The following LOC400499 variants were observed in gnomAD, a reference collection of about 807,000 sequenced individuals.
At chr16:11,414,922 AC>A in the LOC400499 span, among the ~76,000 whole-genome samples, 1 of 151,668 alleles carries the variant, frequency 6.6e-6, no homozygotes, top group South Asian at 2.1e-4. Flanking sequence ...TGCTCCCCAA[AC>A]TCTCACCCCA....
At chr16:11,502,586 T>G in the LOC400499 span, among the ~76,000 whole-genome samples, 1 of 151,888 alleles carries the variant, frequency 6.6e-6, no homozygotes, top group Non-Finnish European at 1.5e-5. Context: ...TTTAGCGAGG[T>G]GGCAATCTTT....
the LOC400499 span, chr16:11,387,099 G>C: frequency 8.1e-7 from 1 of 1,232,484 alleles, no homozygotes; most frequent in Non-Finnish European, 1.0e-6. Context: ...CACAGCCCGG[G>C]GCAGGACTCA....
At chr16:11,441,328 G>T in the LOC400499 span, among the ~76,000 whole-genome samples, 1 of 152,232 alleles carries the variant, frequency 6.6e-6, no homozygotes, top group African/African-American at 2.4e-5. Flanking sequence ...CTTGCTCAAA[G>T]AAAGTGCCTT....
the LOC400499 span, chr16:11,516,456 T>C: frequency 8.1e-5 from 32 of 397,456 alleles, no homozygotes; most frequent in African/African-American, 6.4e-4. Context: ...CTAGATAGCC[T>C]TTGTTCCCTC....
the LOC400499 span, chr16:11,514,293 G>T: frequency 2.5e-6 from 1 of 398,954 alleles, no homozygotes; most frequent in Non-Finnish European, 4.4e-6. Context: ...GGCCTGCTTG[G>T]GCCCCTCTGG....
chr16:11,392,133 C>T, the LOC400499 span: 2 of 398,956 alleles, frequency 5.0e-6, no homozygotes, highest in Non-Finnish European at 8.8e-6. Flanking sequence ...GCTGGGGCCT[C>T]GCAGGAATGA....
chr16:11,392,806 G>T, the LOC400499 span: 5 of 983,270 alleles, frequency 5.1e-6, no homozygotes, highest in East Asian at 5.7e-4. Context: ...CAGCAGCTGA[G>T]ACCACAGGAA....
At chr16:11,395,599 G>A in the LOC400499 span, among the ~76,000 whole-genome samples, 3 of 152,216 alleles carry the variant, frequency 2.0e-5, no homozygotes, top group East Asian at 1.9e-4. Context: ...CTCGGATGCC[G>A]GGAAGGGAGG....
the LOC400499 span, among the ~76,000 whole-genome samples, chr16:11,499,373 A>G: frequency 6.7e-6 from 1 of 149,082 alleles, no homozygotes; most frequent in Admixed American, 6.7e-5. Flanking sequence ...GGAAGGAGAC[A>G]GACATTTCCA....
chr16:11,390,391 C>T, the LOC400499 span: 3 of 1,239,788 alleles, frequency 2.4e-6, no homozygotes, highest in Middle Eastern at 3.0e-4. Context: ...CTCCTCTGCT[C>T]GCTCCCGCCA....
the LOC400499 span, among the ~76,000 whole-genome samples, chr16:11,393,057 T>C: frequency 6.6e-6 from 1 of 152,030 alleles, no homozygotes; most frequent in Non-Finnish European, 1.5e-5. Flanking sequence ...GGTTTCACCG[T>C]GTTAGCCAGG....
chr16:11,392,051 C>T, the LOC400499 span: 81 of 400,380 alleles, frequency 2.0e-4, no homozygotes, highest in African/African-American at 1.5e-3. Context: ...AAGCCTTGAA[C>T]CTTCTCTTCC....
At chr16:11,496,401 C>G in the LOC400499 span, among the ~76,000 whole-genome samples, 1 of 152,192 alleles carries the variant, frequency 6.6e-6, no homozygotes, top group Non-Finnish European at 1.5e-5. Flanking sequence ...ATTCGTGACT[C>G]TTCACCAGAT....
At chr16:11,414,211 T>C in the LOC400499 span, 57 of 398,142 alleles carry the variant, frequency 1.4e-4, no homozygotes, top group African/African-American at 9.0e-4. Context: ...CCTTTGTAAA[T>C]TGTCAAGTAC....
the LOC400499 span, among the ~76,000 whole-genome samples, chr16:11,502,937 T>TTTTA: frequency 1.4e-4 from 21 of 146,318 alleles, no homozygotes; most frequent in African/African-American, 5.5e-4. Flanking sequence ...TTTTTTTTTT[T>TTTTA]AAGAGACAGG....
At chr16:11,482,657 G>T in the LOC400499 span, among the ~76,000 whole-genome samples, 2 of 152,254 alleles carry the variant, frequency 1.3e-5, no homozygotes, top group African/African-American at 4.8e-5. Flanking sequence ...TTGGGAGGCT[G>T]AGGCAGGAGG....
chr16:11,500,660 G>A, the LOC400499 span: 1 of 396,362 alleles, frequency 2.5e-6, no homozygotes, highest in Non-Finnish European at 4.4e-6. Flanking sequence ...CGCCACAGAA[G>A]CCCAGGAGGA....
At chr16:11,490,544 A>G in the LOC400499 span, among the ~76,000 whole-genome samples, 1 of 152,082 alleles carries the variant, frequency 6.6e-6, no homozygotes, top group African/African-American at 2.4e-5. Flanking sequence ...CTAAAAGAAT[A>G]CAAAAAATTA....
chr16:11,423,238 C>T, the LOC400499 span: 39 of 399,116 alleles, frequency 9.8e-5, no homozygotes, highest in Non-Finnish European at 1.6e-4. Context: ...GTGGGCGAGG[C>T]GTCTCCACTG....
Sources: allele counts gnomAD v4.1 joint callset (sites outside exome capture counted in the v4.1 genomes callset), GRCh38; gene constraint gnomAD v4.1.1; transcripts MANE v1.5.